The following SLC2A12 variants were observed in gnomAD, a reference collection of about 807,000 sequenced individuals.
SLC2A12 encodes solute carrier family 2 member 12, also known as solute carrier family 2, facilitated glucose transporter member 12.
In SLC2A12, 23 loss-of-function variants were observed where a neutral mutation model predicts 41.8. That is an observed-to-expected ratio of 0.55 (90% confidence interval 0.40 to 0.78). The LOEUF (loss-of-function observed/expected upper bound fraction) is 0.78. Among genes scored for constraint, SLC2A12 ranks in the 30% least tolerant of loss-of-function variants. SLC2A12 has a pLI of 0.00. For missense variants in SLC2A12, 654 were observed against 745.6 expected, an observed-to-expected ratio of 0.88 and a Z score of 1.43; for synonymous variants, 295 against 285.9, an observed-to-expected ratio of 1.03 and a Z score of -0.32.
chr6:134,004,753 A>G (rs1776791763), intron 3 of SLC2A12, among the ~76,000 whole-genome samples: 1 of 152,224 alleles, frequency 6.6e-6, no homozygotes, highest in Non-Finnish European at 1.5e-5. Context: ...TACCTTTCTT[A>G]TATGATCCAC....
chr6:134,023,972 A>G (rs1777079626), intron 2 of SLC2A12, among the ~76,000 whole-genome samples: 1 of 152,166 alleles, frequency 6.6e-6, no homozygotes, highest in South Asian at 2.1e-4. Flanking sequence ...AAGAAGAGAA[A>G]TTTGCATGAT....
At chr6:134,013,614 A>G (rs534566372) in intron 2 of SLC2A12, among the ~76,000 whole-genome samples, 29 of 152,304 alleles carry the variant, frequency 1.9e-4, no homozygotes, top group African/African-American at 6.5e-4. Flanking sequence ...ATTGTTCTCA[A>G]GATTAATTAA....
At chr6:134,004,414 T>A (rs2114429568) in intron 3 of SLC2A12, among the ~76,000 whole-genome samples, 1 of 152,332 alleles carries the variant, frequency 6.6e-6, no homozygotes, top group Non-Finnish European at 1.5e-5. Context: ...AAAGGTTAAT[T>A]TCCAAAAGTG....
intron 3 of SLC2A12, among the ~76,000 whole-genome samples, chr6:134,003,425 A>T (rs983559484): frequency 2.0e-5 from 3 of 152,308 alleles, no homozygotes; most frequent in East Asian, 1.9e-4. Context: ...TTGTTTGAGC[A>T]CTTTGAGTAA....
rs750973743 is a variant in SLC2A12 at position 133,990,707 on chromosome 6, C to T, written c.*448G>A. 2.4e-4 allele frequency: 36 copies of T among 152,996 alleles called. No homozygotes were observed. The highest frequency in any genetic ancestry group is 4.1e-4 in the South Asian group (2 of 4,834). 9.5% of individuals were successfully genotyped at this position (152,996 alleles called of 1,614,324 possible). A position where few individuals can be genotyped will look rare whatever the true frequency, so the allele number is the denominator to read the frequency against. On this transcript the variant is annotated 3_prime_UTR_variant, in exon 5 of 5. Transcript: ENST00000275230. ...CACTGTGTGTTCTGGTTCTTTTTTGCGTAAGATCCAGTGCAAGTAGTGTCT... is the reference window on the plus strand; with the variant it reads ...CACTGTGTGTTCTGGTTCTTTTTTGTGTAAGATCCAGTGCAAGTAGTGTCT...
Position 134,029,231 on chromosome 6 carries a change from G to C in SLC2A12, c.594C>G (p.Tyr198Ter). ...CCAAGGGAATCACAAGACCAAACATGTACTTCCAGCCATGGAAAACATTGG... is the reference window on the plus strand; with the variant it reads ...CCAAGGGAATCACAAGACCAAACATCTACTTCCAGCCATGGAAAACATTGG... Reference protein sequence around the residue: ...AFANVFHGWKYMFGLVIPLGV... With the variant: ...AFANVFHGWK The change falls in exon 2 of 5, where the codon TAC becomes TAG. Residue 198 changes from tyrosine (Y) to a stop codon, truncating the protein, a stop_gained. Transcript: ENST00000275230. LOFTEE classifies it high-confidence loss of function. The C allele has an allele frequency of 1.2e-6, 2 of 1,614,140 alleles. No homozygotes were observed. Among genetic ancestry groups the C allele is most frequent in the Non-Finnish European group, 1.7e-6 (2 of 1,180,042 alleles).
At chr6:134,001,917 A>C in intron 4 of SLC2A12, 80 bp downstream of exon 4, 1 of 1,436,444 alleles carries the variant, frequency 7.0e-7, no homozygotes, top group Non-Finnish European at 9.4e-7. Flanking sequence ...ATAATTTCAG[A>C]TATTATTCCT....
chr6:134,006,940 A>G lies in SLC2A12; in HGVS notation c.1445-6T>C. 1 of 1,613,892 alleles carries G rather than the reference A, an allele frequency of 6.2e-7. No individual in the cohort carries two copies. The highest frequency in any genetic ancestry group is 8.5e-7 in the Non-Finnish European group (1 of 1,179,874). ...GCTGAGCACCAGCCAGGGCACTAGA[A>G]GAAAGGCAAGAGTGGGTGGCGGACA... On this transcript the variant is annotated splice_polypyrimidine_tract_variant and splice_region_variant and intron_variant, in intron 2 of 4. Transcript: ENST00000275230.
At chr6:134,009,575 CT>C (rs1776853746) in intron 2 of SLC2A12, among the ~76,000 whole-genome samples, 1 of 152,072 alleles carries the variant, frequency 6.6e-6, no homozygotes, top group Admixed American at 6.5e-5. Flanking sequence ...AATCCCAGCA[CT>C]TTGGGAGGCT....
chr6:134,022,158 G>T (rs1777049234), intron 2 of SLC2A12, among the ~76,000 whole-genome samples: 1 of 152,166 alleles, frequency 6.6e-6, no homozygotes, highest in Admixed American at 6.6e-5. Context: ...AGGTGATATA[G>T]AAGCAGAAAG....
intron 1 of SLC2A12, among the ~76,000 whole-genome samples, chr6:134,045,592 G>A (rs1006779363): frequency 2.0e-5 from 3 of 152,180 alleles, no homozygotes; most frequent in Admixed American, 6.5e-5. Flanking sequence ...GAATGAATGA[G>A]ACAGAAGAGA....
chr6:134,022,553 GAAAA>G, intron 2 of SLC2A12, among the ~76,000 whole-genome samples: 1 of 52,130 alleles, frequency 1.9e-5, no homozygotes, highest in Non-Finnish European at 3.6e-5. Context: ...GAAAAGAAAA[GAAAA>G]GAAAAGAAAA....
intron 2 of SLC2A12, among the ~76,000 whole-genome samples, chr6:134,009,470 C>A (rs948411932): frequency 1.3e-5 from 2 of 151,994 alleles, no homozygotes; most frequent in Non-Finnish European, 2.9e-5. Context: ...AACTGGATGT[C>A]ACAAAAATTG....
chr6:134,024,315 C>T (rs1403100762), intron 2 of SLC2A12, among the ~76,000 whole-genome samples: 1 of 152,208 alleles, frequency 6.6e-6, no homozygotes, highest in African/African-American at 2.4e-5. Flanking sequence ...GCTTTTCCTC[C>T]GGCCTGCCCT....
chr6:134,024,817 A>G (rs1279831212), intron 2 of SLC2A12, among the ~76,000 whole-genome samples: 2 of 152,194 alleles, frequency 1.3e-5, no homozygotes, highest in Non-Finnish European at 2.9e-5. Flanking sequence ...GCACCTCCAC[A>G]ACACCCAGAA....
intron 1 of SLC2A12, among the ~76,000 whole-genome samples, chr6:134,049,541 TC>T (rs1446804802): frequency 6.6e-6 from 1 of 152,218 alleles, no homozygotes; most frequent in African/African-American, 2.4e-5. Context: ...AGTTGCTCCA[TC>T]CGTCTAATAT....
At chr6:134,050,495 A>T (rs1463656097) in intron 1 of SLC2A12, among the ~76,000 whole-genome samples, 8 of 152,248 alleles carry the variant, frequency 5.3e-5, no homozygotes, top group African/African-American at 9.6e-5. Flanking sequence ...GTAACCAACT[A>T]TTGCAAATGT....
Position 134,052,454 on chromosome 6 carries a change from G to A in SLC2A12, c.27C>T (p.Gly9=), listed in dbSNP as rs1773704929. The change falls in exon 1 of 5, where the codon GGC becomes GGT. Residue 9 remains glycine, a synonymous_variant. Transcript: ENST00000275230. ...TCCCCTTCTGGTTCAGCAGACTGGG[G>A]CCCTCGGTGTTTTCAACAGGTACCA... MVPVENTE[G]PSLLNQKGTA... 1.9e-6 allele frequency: 3 copies of A among 1,613,272 alleles called. No homozygotes were observed. The African/African-American group carries it at 4.0e-5, about 22-fold the overall frequency.
rs1228789958 is a variant in SLC2A12, at chr6:133,988,651, T to G, written c.*2504A>C. 3.9e-5 allele frequency: 6 copies of G among 152,146 alleles called. No individual in the cohort carries two copies. The highest frequency in any genetic ancestry group is 7.4e-5 in the Non-Finnish European group (5 of 68,016). The allele number at this position is 152,146 out of a possible 1,614,324, so 9.4% of individuals were successfully genotyped here. On this transcript the variant is annotated 3_prime_UTR_variant, in exon 5 of 5. Transcript: ENST00000275230. ...CCCTAACCTCCTGCTTATTCCAAAG[T>G]GGAAAGCAAAGGCTAACTTACATTT...
Sources: allele counts gnomAD v4.1 joint callset (sites outside exome capture counted in the v4.1 genomes callset), GRCh38; gene constraint gnomAD v4.1.1; transcripts MANE v1.5; gene names NCBI Gene and HGNC (gene_info 2026-07-23, HGNC 2026-07-21).